PKD1: variants seen among roughly 807,000 people sequenced by gnomAD.
The protein encoded by PKD1 is polycystin 1, transient receptor potential channel interacting.
In PKD1, 81 loss-of-function variants were observed where a neutral mutation model predicts 361.7. The ratio of observed to expected loss-of-function variants is 0.22; its 90% confidence interval spans 0.19 to 0.27. The LOEUF is 0.27. Ranked by LOEUF, PKD1 falls within the 10% of genes least tolerant of loss-of-function variation. PKD1 has a pLI of 1.00. For missense variants in PKD1, 6,399 were observed against 6,118.3 expected (o/e 1.05, Z -1.53); for synonymous variants, 3,615 against 2,818.3 (o/e 1.28, Z -8.95).
Position 2,089,883 on chromosome 16 carries a change from G to A in PKD1, c.12756C>T (p.Ser4252=). The A allele has an allele frequency of 2.5e-6, 4 of 1,610,560 alleles. No individual in the cohort carries two copies. In the South Asian group the frequency reaches 3.3e-5, roughly 13 times the overall value. ...QLHSLQGRRS[S]RAPAGSSRGP... is the part of the protein sequence containing the mutation. ...CACGGGAAGATCCGGCGGGCGCCCG[G>A]CTGCTCCTGCGGCCTTGCAGGCTGT... Residue 4252 remains serine, a synonymous_variant, in exon 46 of 46, where the codon AGC becomes AGT. Transcript: ENST00000262304.
chr16:2,124,777 C>T (rs1021614680), intron 1 of PKD1, among the ~76,000 whole-genome samples: 1 of 152,206 alleles, frequency 6.6e-6, no homozygotes, highest in Non-Finnish European at 1.5e-5. Context: ...GCGCTGGCCG[C>T]CTCACTGGAA....
At chr16:2,125,860 G>A (rs78860830) in intron 1 of PKD1, among the ~76,000 whole-genome samples, 18,712 of 152,072 alleles carry the variant, frequency 0.12, 1,717 homozygotes, top group African/African-American at 0.25. Context: ...GTGGGCAGGT[G>A]CTGCACTGAC....
At chr16:2,134,538 C>T (rs1392858672) in intron 1 of PKD1, among the ~76,000 whole-genome samples, 1 of 145,384 alleles carries the variant, frequency 6.9e-6, no homozygotes, top group African/African-American at 2.7e-5. Flanking sequence ...TTATCTTAGT[C>T]CCCTCCGCCC....
In PKD1 at chr16:2,090,318, C is replaced by T; in HGVS notation, c.12411G>A (p.Leu4137=). ...CCTTGCTGAGGCCCATCCAGAGGCGCAGCCTGCGCAGGAACAACTCCACCA... is the reference window on the plus strand; with the variant it reads ...CCTTGCTGAGGCCCATCCAGAGGCGTAGCCTGCGCAGGAACAACTCCACCA... ...YEMVELFLRR[L]RLWMGLSKVK... Residue 4137 remains leucine (L), a synonymous_variant, in exon 45 of 46, where the codon CTG becomes CTA. Coordinates refer to ENST00000262304, the MANE Select transcript of PKD1 (RefSeq NM_001009944.3). The T allele has an allele frequency of 6.2e-7, 1 of 1,611,746 alleles. No homozygotes were observed.
At chr16:2,126,533 G>C (rs1341228328) in intron 1 of PKD1, among the ~76,000 whole-genome samples, 2 of 152,284 alleles carry the variant, frequency 1.3e-5, no homozygotes, top group Non-Finnish European at 2.9e-5. Flanking sequence ...AGAGCGAGGT[G>C]TTCTGGGAAA....
In PKD1 at chr16:2,090,651, TC is replaced by T. The variant is rs199701927; in HGVS notation, c.12138+22del. ...TGAGCTGAGCTGAGCTAAGACGCCC[TC>T]CCCGGCCGCGCAGTCACCTACCAGG... On this transcript the variant is annotated intron_variant, in intron 44 of 45. Coordinates refer to ENST00000262304, the MANE Select transcript of PKD1 (RefSeq NM_001009944.3). The T allele has an allele frequency of 0.033, 53,207 of 1,610,858 alleles. 1,076 individuals are homozygous for T. Among genetic ancestry groups the T allele is most frequent in the Non-Finnish European group, 0.039 (46,502 of 1,179,728 alleles).
intron 1 of PKD1, among the ~76,000 whole-genome samples, chr16:2,131,093 GCACCACGGAGGTGA>G (rs1458533847): frequency 4.6e-5 from 7 of 152,218 alleles, no homozygotes; most frequent in Admixed American, 2.0e-4. Flanking sequence ...CACACTCACA[GCACCACGGAGGTGA>G]CACCATGGAG....
chr16:2,105,424 G>C lies in PKD1; in HGVS notation c.7914C>G (p.His2638Gln). The C allele has an allele frequency of 6.3e-7, 1 of 1,585,336 alleles. No homozygotes were observed. The highest frequency in any genetic ancestry group is 8.5e-7 in the Non-Finnish European group (1 of 1,172,212). ...TGATGTTCTTGCGTATCTGGGCTCG[G>C]TGCTGCCGCTCGTGCTTGGGCTCTG... is the stretch of plus-strand genomic sequence containing the variant. ...VAAEPKHERQ[H>Q]RAQIRKNITE... is the part of the protein sequence containing the mutation. The change falls in exon 21 of 46, where the codon CAC becomes CAG. Residue 2638 changes from histidine (H) to glutamine (Q), a missense_variant. Transcript: ENST00000262304.
rs138256927 is a variant in PKD1, at chr16:2,103,776, G to C, written c.8281C>G (p.Arg2761Gly). ...AGCACGCGGGAGCGCATGAGGATGCGCATGAGGGCAGAGGTCAGGTTGTAG... is the reference window on the plus strand; with the variant it reads ...AGCACGCGGGAGCGCATGAGGATGCCCATGAGGGCAGAGGTCAGGTTGTAG... ...QAYNLTSALMRILMRSRVLNE... is the reference protein window; with the variant it reads ...QAYNLTSALMGILMRSRVLNE... Residue 2761 changes from arginine (R) to glycine (G), a missense_variant, in exon 23 of 46, where the codon CGC becomes GGC. Physicochemically the swap from Arg to Gly is moderately radical, Grantham distance 125 (BLOSUM62 -2). Coordinates refer to ENST00000262304, the MANE Select transcript of PKD1 (RefSeq NM_001009944.3). The C allele has an allele frequency of 6.2e-7, 1 of 1,609,778 alleles. No individual in the cohort carries two copies. Among genetic ancestry groups the C allele is most frequent in the Admixed American group, 1.7e-5 (1 of 59,970 alleles).
At chr16:2,095,742 G>C (rs2151718102) in intron 34 of PKD1, among the ~76,000 whole-genome samples, 1 of 152,368 alleles carries the variant, frequency 6.6e-6, no homozygotes, top group East Asian at 1.9e-4. Flanking sequence ...GGACGGCCAA[G>C]GGTTGAGGAA....
At chr16:2,120,039 C>G (rs182598629) in intron 1 of PKD1, 2 of 589,420 alleles carry the variant, frequency 3.4e-6, no homozygotes, top group Non-Finnish European at 6.1e-6. Flanking sequence ...CAGTGAGACC[C>G]CGTATCTACA....
In PKD1 at chr16:2,109,997, C is replaced by T. The variant is rs2854617; in HGVS notation, c.5170G>A (p.Ala1724Thr). 5 of 1,609,658 alleles carry T rather than the reference C, an allele frequency of 3.1e-6. No homozygotes were observed. Among genetic ancestry groups the T allele is most frequent in the Non-Finnish European group, 4.2e-6 (5 of 1,179,292 alleles). Residue 1724 changes from alanine (A) to threonine (T), a missense_variant, in exon 15 of 46, where the codon GCC becomes ACC. Physicochemically the swap from Ala to Thr is moderately conservative, Grantham distance 58. Coordinates refer to ENST00000262304, the MANE Select transcript of PKD1 (RefSeq NM_001009944.3). ...FVEPVGWLMV[A>T]ASPNPAAVNT... ...ACGGCAGCTGGGTTCGGGGAGGCGG[C>T]CACCATCAGCCACCCCACAGGCTCC...
chr16:2,120,139 G>A (rs552726325), intron 1 of PKD1: 2 of 522,492 alleles, frequency 3.8e-6, no homozygotes, highest in East Asian at 6.3e-5. Context: ...TGAGCCCAGA[G>A]AGGTCAAGGC....
In PKD1 at chr16:2,114,373, C is replaced by A; in HGVS notation, c.2650G>T (p.Gly884Cys). 1.9e-6 allele frequency: 3 copies of A among 1,609,364 alleles called. No individual in the cohort carries two copies. The highest frequency in any genetic ancestry group is 2.5e-6 in the Non-Finnish European group (3 of 1,179,554). ...CPALVATFVP[G>C]CPWETNDTLF... is the part of the protein sequence containing the mutation. ...GTATCGTTGGTCTCCCAGGGGCAGCCGGGCACGAAGGTGGCCACCAGGGCA... is the reference window on the plus strand; with the variant it reads ...GTATCGTTGGTCTCCCAGGGGCAGCAGGGCACGAAGGTGGCCACCAGGGCA... The change falls in exon 11 of 46, where the codon GGC becomes TGC. Residue 884 changes from glycine to cysteine, a missense_variant. Gly to Cys is a radical substitution (Grantham distance 159). Transcript: ENST00000262304.
At position 2,090,036 on chromosome 16, in the gene PKD1, C is replaced by T. The variant is rs1252340066; in HGVS notation, c.12603G>A (p.Leu4201=). ...GCTCACACCTTGTCCCCAGCCGGCC[C>T]AGGCTCACGCTCAGCCCATCCAGCT... is the stretch of plus-strand genomic sequence containing the variant. The part of the protein sequence containing the change: ...SSQLDGLSVS[L]GRLGTRCEPE... The change falls in exon 46 of 46, where the codon CTG becomes CTA. Residue 4201 remains leucine (L), a synonymous_variant. Coordinates refer to ENST00000262304, the MANE Select transcript of PKD1 (RefSeq NM_001009944.3). The T allele has an allele frequency of 6.2e-6, 10 of 1,611,334 alleles. 1 individual carries two copies. The highest frequency in any genetic ancestry group is 1.3e-5 in the African/African-American group (1 of 75,028).
chr16:2,097,308 C>A lies in PKD1; in HGVS notation c.10405+11G>T. 1 of 1,612,556 alleles carries A rather than the reference C, an allele frequency of 6.2e-7. No homozygotes were observed. Among genetic ancestry groups the A allele is most frequent in the East Asian group, 2.2e-5 (1 of 44,880 alleles). Reference sequence around the variant, plus strand: ...TGAGCTTCAGAGCCCCCTCCTCTCACCCCAGCTCACCTGATGCTGAGAAGG... The same window carrying A: ...TGAGCTTCAGAGCCCCCTCCTCTCAACCCAGCTCACCTGATGCTGAGAAGG... On this transcript the variant is annotated intron_variant, in intron 33 of 45. Coordinates refer to ENST00000262304, the MANE Select transcript of PKD1 (RefSeq NM_001009944.3).
In PKD1 at chr16:2,110,017, G is replaced by A. The variant is rs2092458289; in HGVS notation, c.5150C>T (p.Pro1717Leu). ...GGCGGCCACCATCAGCCACCCCACA[G>A]GCTCCACGAAGTCCATGGTGCAGTC... ...WADCTMDFVE[P>L]VGWLMVAASP... is the part of the protein sequence containing the mutation. Residue 1717 changes from proline to leucine, a missense_variant, in exon 15 of 46, where the codon CCT (proline) becomes CTT (leucine). Coordinates refer to ENST00000262304, the MANE Select transcript of PKD1 (RefSeq NM_001009944.3). 47 of 1,610,304 alleles carry A rather than the reference G, an allele frequency of 2.9e-5. No homozygotes were observed. The highest frequency in any genetic ancestry group is 4.0e-5 in the Non-Finnish European group (47 of 1,179,630).
chr16:2,089,844 G>T lies in PKD1; in HGVS notation c.12795C>A (p.Gly4265=). ...PAGSSRGPSP[G]LRPALPSRLA... is the part of the protein sequence containing the mutation. ...GGCGGCTGGGCAGTGCTGGCCGCAGGCCCGGGGATGGGCCACGGGAAGATC... is the reference window on the plus strand; with the variant it reads ...GGCGGCTGGGCAGTGCTGGCCGCAGTCCCGGGGATGGGCCACGGGAAGATC... The change falls in exon 46 of 46, where the codon GGC becomes GGA. Residue 4265 remains glycine (G), a synonymous_variant. Transcript: ENST00000262304. The T allele has an allele frequency of 6.2e-7, 1 of 1,606,310 alleles. No individual in the cohort carries two copies. The highest frequency in any genetic ancestry group is 8.5e-7 in the Non-Finnish European group (1 of 1,177,202).
Position 2,120,039 on chromosome 16 carries a change from C to T in PKD1, c.216-661G>A, listed in dbSNP as rs182598629. Reference sequence around the variant, plus strand: ...CCACCCTGGGCAACACAGTGAGACCCCGTATCTACAAAAAATACACATTAG... The same window carrying T: ...CCACCCTGGGCAACACAGTGAGACCTCGTATCTACAAAAAATACACATTAG... On this transcript the variant is annotated intron_variant, in intron 1 of 45. Coordinates refer to ENST00000262304, the MANE Select transcript of PKD1 (RefSeq NM_001009944.3). 62 of 589,538 alleles carry T rather than the reference C, an allele frequency of 1.1e-4. No individual in the cohort carries two copies. The East Asian group carries it at 1.6e-3, about 15-fold the overall frequency. 36.5% of individuals were successfully genotyped at this position (589,538 alleles called of 1,614,324 possible).
Sources: gnomAD v4.1 joint callset for allele counts (sites outside exome capture counted in the v4.1 genomes callset) on GRCh38, gnomAD v4.1.1 for gene constraint, MANE v1.5 for transcripts, NCBI Gene and HGNC (gene_info 2026-07-23, HGNC 2026-07-21) for gene names.